Variants in MFN2 observed in about 807,000 individuals in gnomAD.
The protein encoded by MFN2 is mitofusin-2.
Under a neutral mutation model 87.5 loss-of-function variants are expected in MFN2, and 43 were observed. The ratio of observed to expected loss-of-function variants is 0.49; its 90% CI spans 0.38 to 0.63. MFN2 has a LOEUF of 0.63. Ranked by LOEUF, MFN2 falls within the 30% of genes least tolerant of loss-of-function variation. The pLI, the probability that MFN2 is intolerant of heterozygous loss-of-function variation, is 0.00. For synonymous variants in MFN2, 337 were observed against 359.9 expected (o/e 0.94, Z 0.72); for missense variants, 743 against 972.8 (o/e 0.76, Z 3.14).
intron 1 of MFN2, among the ~76,000 whole-genome samples, chr1:11,980,896 G>A (rs1193767050): frequency 6.6e-6 from 1 of 152,138 alleles, no homozygotes; most frequent in South Asian, 2.1e-4. Flanking sequence ...TTACTTATAT[G>A]ACTTCTCACC....
intron 14 of MFN2, 75 bp from the exon 15 acceptor site, chr1:12,005,636 C>T: frequency 1.4e-6 from 2 of 1,440,484 alleles, no homozygotes; most frequent in Non-Finnish European, 2.0e-6. Context: ...TGGTAGAGCC[C>T]TGTCTCCAAG....
Position 12,001,428 on chromosome 1 carries a change from A to G in MFN2, c.844A>G (p.Thr282Ala), listed in dbSNP as rs1475014336. ...GCGGCGGCAGCACATGGAGCGTTGT[A>G]CCAGCTTCCTGGTGGATGAGCTGGG... ...EVRRQHMERC[T>A]SFLVDELGVV... The change falls in exon 9 of 19, where the codon ACC becomes GCC. Residue 282 changes from threonine (T) to alanine (A), a missense_variant. By Grantham distance (58) the Thr-to-Ala change is moderately conservative (BLOSUM62 0). Around this residue, in one of 3 missense-constraint regions of MFN2, gnomAD observed 571 missense variants for 670.7 expected, o/e 0.85. Coordinates refer to ENST00000235329, the MANE Select transcript of MFN2 (RefSeq NM_014874.4). 1.2e-6 allele frequency: 2 copies of G among 1,613,872 alleles called. No individual in the cohort carries two copies. The highest frequency in any genetic ancestry group is 4.5e-5 in the East Asian group (2 of 44,884).
Position 12,013,076 on chromosome 1 carries a change from GGACAT to G in MFN2, c.*1513_*1517del. 1 of 338,934 alleles carries G rather than the reference GGACAT, an allele frequency of 3.0e-6. No homozygotes were observed. Among genetic ancestry groups the G allele is most frequent in the Non-Finnish European group, 5.7e-6 (1 of 173,974 alleles). The allele number at this position is 338,934 out of a possible 1,614,324, so 21.0% of individuals were successfully genotyped here. A position where few individuals can be genotyped will look rare whatever the true frequency, so the allele number is the denominator to read the frequency against. On this transcript the variant is annotated 3_prime_UTR_variant, in exon 19 of 19. Coordinates refer to ENST00000235329, the MANE Select transcript of MFN2 (RefSeq NM_014874.4). The stretch of plus-strand genomic sequence containing the variant: ...GGCGAAGTGATGGACTCTGCCAGGT[GGACAT>G]GCTGTGGGTGGATGTTCCCGGCGTG...
intron 6 of MFN2, among the ~76,000 whole-genome samples, chr1:11,998,125 G>A (rs775337742): frequency 1.1e-4 from 17 of 151,142 alleles, no homozygotes; most frequent in Middle Eastern, 3.4e-3. Flanking sequence ...CTCATGATCC[G>A]CCCACCTTAG....
At chr1:11,995,406 G>A (rs116627445) in intron 4 of MFN2, among the ~76,000 whole-genome samples, 3,528 of 152,254 alleles carry the variant, frequency 0.023, 128 homozygotes, top group African/African-American at 0.08. Flanking sequence ...GTTGAAGCAG[G>A]CAAATCACCT....
intron 8 of MFN2, among the ~76,000 whole-genome samples, chr1:12,000,209 C>T (rs550575663): frequency 2.5e-4 from 38 of 151,910 alleles, no homozygotes; most frequent in African/African-American, 8.2e-4. Context: ...TTATTTTTTT[C>T]GAGATGGAGT....
chr1:11,987,471 A>C (rs1638467487), intron 2 of MFN2, among the ~76,000 whole-genome samples: 1 of 151,812 alleles, frequency 6.6e-6, no homozygotes. Context: ...CTCTACTGAA[A>C]ATACAAAAAT....
intron 4 of MFN2, among the ~76,000 whole-genome samples, chr1:11,995,574 G>A (rs762817476): frequency 3.3e-5 from 5 of 151,834 alleles, no homozygotes; most frequent in Admixed American, 6.6e-5. Context: ...CAGAGGTTGC[G>A]ATGAGCTGAG....
intron 4 of MFN2, among the ~76,000 whole-genome samples, chr1:11,993,333 C>T (rs920862742): frequency 6.6e-6 from 1 of 151,910 alleles, no homozygotes; most frequent in African/African-American, 2.4e-5. Context: ...ATGAAAATTT[C>T]GTAAGACATT....
chr1:11,999,128 C>A, intron 8 of MFN2, 33 bp downstream of exon 8: 1 of 1,582,194 alleles, frequency 6.3e-7, no homozygotes, highest in Non-Finnish European at 8.7e-7. Context: ...TTGGGGAATG[C>A]AACCCCGAGG....
rs527905150 is a variant in MFN2, at chr1:12,007,867, C to T, written c.2069+618C>T. Among the ~76,000 whole-genome samples the T allele has an allele frequency of 3.0e-3, 452 of 151,860 alleles. 1 individual carries two copies. Among genetic ancestry groups the T allele is most frequent in the African/African-American group, 0.011 (440 of 41,362 alleles). Reference sequence around the variant, plus strand: ...AGCAGATAAACAAGTGAACAAAGGTCTCTGGTTTTCCTAGGCAGAGGACCC... The same window carrying T: ...AGCAGATAAACAAGTGAACAAAGGTTTCTGGTTTTCCTAGGCAGAGGACCC... On this transcript the variant is annotated intron_variant, in intron 17 of 18. Transcript: ENST00000235329.
rs770138133 is a variant in MFN2 at position 12,007,039 on chromosome 1, C to T, written c.1873-14C>T. On this transcript the variant is annotated splice_polypyrimidine_tract_variant and intron_variant, in intron 16 of 18. Transcript: ENST00000235329. Reference sequence around the variant, plus strand: ...CAGAGAGGCTGCACTCCAGGCTGACCATGTGCTCTGCAGGTGTGGAAGGCA... The same window carrying T: ...CAGAGAGGCTGCACTCCAGGCTGACTATGTGCTCTGCAGGTGTGGAAGGCA... 5 of 1,613,020 alleles carry T rather than the reference C, an allele frequency of 3.1e-6. No homozygotes were observed. The highest frequency in any genetic ancestry group is 4.2e-6 in the Non-Finnish European group (5 of 1,179,978).
At position 12,004,681 on chromosome 1, in the gene MFN2, G is replaced by T. The variant is rs1451963089; in HGVS notation, c.1392+68G>T. 2.6e-6 allele frequency: 4 copies of T among 1,539,374 alleles called. No individual in the cohort carries two copies. The highest frequency in any genetic ancestry group is 3.6e-6 in the Non-Finnish European group (4 of 1,112,710). On this transcript the variant is annotated intron_variant, in intron 13 of 18. Coordinates refer to ENST00000235329, the MANE Select transcript of MFN2 (RefSeq NM_014874.4). This position sits in a 1 kb window ranked among gnomAD's most constrained non-coding sequence, Gnocchi z 4.2. ...AAAGTGATTCAACCCCTGTTGGTCT[G>T]GGTCAGGGCCCCCCAGCAGTGACAG...
chr1:12,004,908 C>A lies in MFN2; in HGVS notation c.1476C>A (p.Thr492=), dbSNP rs143428548. The change falls in exon 14 of 19, where the codon ACC becomes ACA. Residue 492 remains threonine (T), a synonymous_variant. Coordinates refer to ENST00000235329, the MANE Select transcript of MFN2 (RefSeq NM_014874.4). The surrounding 1 kb of genome is among the most constrained non-coding windows in gnomAD (Gnocchi z 4.2). ...CSTAITNSLQ[T]MQQDMIDGLK... ...CGGCCATCACCAACTCCCTGCAGAC[C>A]ATGCAGCAGGACATGATAGGTTAGT... 3.3e-5 allele frequency: 53 copies of A among 1,611,066 alleles called. No homozygotes were observed. In the African/African-American group the frequency reaches 6.5e-4, roughly 20 times the overall value.
At position 12,007,219 on chromosome 1, in the gene MFN2, C is replaced by T; in HGVS notation, c.2039C>T (p.Thr680Ile). ...AAGCTGCAGCTTGTCATCAGCTACA[C>T]TGGCTCCAACTGCAGCCACCAAGTC... ...SEKLQLVISY[T>I]GSNCSHQVQQ... The change falls in exon 17 of 19, where the codon ACT becomes ATT. Residue 680 changes from threonine (T) to isoleucine (I), a missense_variant. Thr to Ile is a moderately conservative substitution (Grantham distance 89, BLOSUM62 -1). Around this residue, in one of 3 missense-constraint regions of MFN2, gnomAD observed 571 missense variants for 670.7 expected, o/e 0.85. Transcript: ENST00000235329. The T allele has an allele frequency of 6.2e-7, 1 of 1,614,058 alleles. No homozygotes were observed. Among genetic ancestry groups the T allele is most frequent in the Non-Finnish European group, 8.5e-7 (1 of 1,180,028 alleles).
At chr1:12,001,302 C>T (rs540678578) in intron 8 of MFN2, 99 bp from the exon 9 acceptor site, 21 of 1,512,940 alleles carry the variant, frequency 1.4e-5, no homozygotes, top group Middle Eastern at 2.3e-4. Flanking sequence ...CGTCAGCCAC[C>T]ATGCCCAGCC....
In MFN2 at chr1:11,989,349, G is replaced by T. The variant is rs762489839; in HGVS notation, c.175+6G>T. ...GAGCGCCACCTTCCTTGAAGGTAAG[G>T]GGGCACCGGCTCAGCCAGGCCCGCT... is the stretch of plus-strand genomic sequence containing the variant. On this transcript the variant is annotated splice_donor_region_variant and intron_variant, in intron 3 of 18. Transcript: ENST00000235329. 23 of 1,613,594 alleles carry T rather than the reference G, an allele frequency of 1.4e-5. No individual in the cohort carries two copies. Among genetic ancestry groups the T allele is most frequent in the Non-Finnish European group, 1.9e-5 (23 of 1,179,900 alleles).
chr1:11,991,287 TAC>T (rs1169368427), intron 3 of MFN2, among the ~76,000 whole-genome samples: 2 of 152,136 alleles, frequency 1.3e-5, no homozygotes, highest in Admixed American at 6.6e-5. Context: ...AGGTGAGCTG[TAC>T]AGTTACCTTA....
At chr1:12,005,460 G>A (rs993628225) in intron 14 of MFN2, among the ~76,000 whole-genome samples, 120 of 152,332 alleles carry the variant, frequency 7.9e-4, no homozygotes, top group African/African-American at 2.8e-3. Flanking sequence ...CTGAGAATTG[G>A]GCCTGCTCCT....
Sources: gnomAD v4.1 joint callset for allele counts (sites outside exome capture counted in the v4.1 genomes callset) on GRCh38, gnomAD v4.1.1 for gene constraint, gnomAD v4.1.1 regional missense constraint, Gnocchi (gnomAD v3.1) non-coding constraint, MANE v1.5 for transcripts, NCBI Gene and HGNC (gene_info 2026-07-23, HGNC 2026-07-21) for gene names.